The following STK16 variants were observed in gnomAD, a reference collection of about 807,000 sequenced individuals.
STK16 encodes the protein serine/threonine kinase 16, also known as serine/threonine-protein kinase 16.
STK16 carries 28 observed loss-of-function variants against 37.8 expected under a neutral mutation model. That is an observed-to-expected ratio of 0.74 (90% CI 0.55 to 1.02). The LOEUF is 1.02. Among genes scored for constraint, STK16 ranks in the 50% least tolerant of loss-of-function variants. STK16 has a pLI of 0.00. For synonymous variants in STK16, 134 were observed against 155.0 expected (o/e 0.86, Z 1.01); for missense variants, 349 against 390.6 (o/e 0.89, Z 0.90).
In STK16 at chr2:219,249,989, C is replaced by CT. The variant is rs1015802834; in HGVS notation, c.*1431dup. 12 of 204,492 alleles carry CT rather than the reference C, an allele frequency of 5.9e-5. No homozygotes were observed. The highest frequency in any genetic ancestry group is 1.0e-4 in the Non-Finnish European group (10 of 99,354). The allele number at this position is 204,492 out of a possible 1,614,324, so 12.7% of individuals were successfully genotyped here. On this transcript the variant is annotated 3_prime_UTR_variant, in exon 8 of 8. Transcript: ENST00000396738. ...GCAGCAGGAAGAACAGGGTAGCAGT[C>CT]TAACTTTCAAAGACAGAAACCACTG...
Position 219,247,722 on chromosome 2 carries a change from A to G in STK16, c.622A>G (p.Ser208Gly). The G allele has an allele frequency of 1.2e-6, 2 of 1,601,616 alleles. No homozygotes were observed. The highest frequency in any genetic ancestry group is 8.5e-7 in the Non-Finnish European group (1 of 1,173,308). Residue 208 changes from serine to glycine, a missense_variant, in exon 6 of 8, where the codon AGT (serine) becomes GGT (glycine). Transcript: ENST00000396738. ...YRAPELFSVQ[S>G]HCVIDERTDV... is the part of the protein sequence containing the mutation. Reference sequence around the variant, plus strand: ...AGCCCCAGAGCTCTTCTCTGTGCAGAGTCACTGTGTCATCGATGAGCGGAC... The same window carrying G: ...AGCCCCAGAGCTCTTCTCTGTGCAGGGTCACTGTGTCATCGATGAGCGGAC...
In STK16 at chr2:219,248,415, C is replaced by G. The variant is rs1951584340; in HGVS notation, c.780-6C>G. 8 of 1,613,502 alleles carry G rather than the reference C, an allele frequency of 5.0e-6. No individual in the cohort carries two copies. Among genetic ancestry groups the G allele is most frequent in the Non-Finnish European group, 6.8e-6 (8 of 1,179,662 alleles). ...ATCCGGTCACCCTGGGCTCCTCCCT[C>G]CACAGGCATTCTTCAGCATTGCGGC... On this transcript the variant is annotated splice_region_variant and splice_polypyrimidine_tract_variant and intron_variant, in intron 7 of 7. Coordinates refer to ENST00000396738, the MANE Select transcript of STK16 (RefSeq NM_001330213.2).
At position 219,246,730 on chromosome 2, in the gene STK16, C is replaced by T. The variant is rs1951540515; in HGVS notation, c.160C>T (p.His54Tyr). The change falls in exon 3 of 8, where the codon CAC becomes TAC. Residue 54 changes from histidine (H) to tyrosine (Y), a missense_variant. Coordinates refer to ENST00000396738, the MANE Select transcript of STK16 (RefSeq NM_001330213.2). The surrounding 1 kb of genome is among the most constrained non-coding windows in gnomAD (Gnocchi z 4.5). ...CTACGCCCTGAAGCGAATCCTGTGT[C>T]ACGAGCAGCAGGACCGGGAGGAGGC... ...HFYALKRILCHEQQDREEAQR... is the reference protein window; with the variant it reads ...HFYALKRILCYEQQDREEAQR... 2 of 1,614,106 alleles carry T rather than the reference C, an allele frequency of 1.2e-6. No homozygotes were observed. Among genetic ancestry groups the T allele is most frequent in the Non-Finnish European group, 8.5e-7 (1 of 1,180,050 alleles).
chr2:219,250,210 A>G lies in STK16; in HGVS notation c.*1651A>G. ...GCGATGGAAGGGATAAGGGTCATGA[A>G]CAGCAAACAGAGCAGCAGCAGCATG... is the stretch of plus-strand genomic sequence containing the variant. On this transcript the variant is annotated 3_prime_UTR_variant, in exon 8 of 8. Transcript: ENST00000396738. The surrounding 1 kb of genome is among the most constrained non-coding windows in gnomAD (Gnocchi z 8.4). 8.0e-7 allele frequency: 1 copy of G among 1,252,308 alleles called. No individual in the cohort carries two copies. The highest frequency in any genetic ancestry group is 1.1e-6 in the Non-Finnish European group (1 of 893,790). 77.6% of individuals were successfully genotyped at this position (1,252,308 alleles called of 1,614,324 possible).
At position 219,246,027 on chromosome 2, in the gene STK16, C is replaced by G. The variant is rs768704830; in HGVS notation, c.28C>G (p.Arg10Gly). 1 of 1,613,978 alleles carries G rather than the reference C, an allele frequency of 6.2e-7. No homozygotes were observed. The highest frequency in any genetic ancestry group is 1.1e-5 in the South Asian group (1 of 91,052). Residue 10 changes from arginine (R) to glycine (G), a missense_variant, in exon 2 of 8, where the codon CGG becomes GGG. Arg to Gly is a moderately radical substitution (Grantham distance 125, BLOSUM62 -2). Transcript: ENST00000396738. This position sits in a 1 kb window ranked among gnomAD's most constrained non-coding sequence, Gnocchi z 4.5. MGHALCVCS[R>G]GTVIIDNKRY... ...GGGCCACGCGCTGTGTGTCTGCTCTCGGGGAACTGTCATCATTGACAATAA... is the reference window on the plus strand; with the variant it reads ...GGGCCACGCGCTGTGTGTCTGCTCTGGGGGAACTGTCATCATTGACAATAA...
In STK16 at chr2:219,250,265, C is replaced by G; in HGVS notation, c.*1706C>G. The G allele has an allele frequency of 2.0e-6, 3 of 1,529,432 alleles. No homozygotes were observed. Among genetic ancestry groups the G allele is most frequent in the South Asian group, 2.6e-5 (2 of 77,742 alleles). The allele number at this position is 1,529,432 out of a possible 1,614,324, so 94.7% of individuals were successfully genotyped here. A position where few individuals can be genotyped will look rare whatever the true frequency, so the allele number is the denominator to read the frequency against. On this transcript the variant is annotated 3_prime_UTR_variant, in exon 8 of 8. Coordinates refer to ENST00000396738, the MANE Select transcript of STK16 (RefSeq NM_001330213.2). This position sits in a 1 kb window ranked among gnomAD's most constrained non-coding sequence, Gnocchi z 8.4. ...GGAAGGCAGCAGAAGCTCAAGCACT[C>G]AGAGGGAACAAGAAACCGTGCAAGG... is the stretch of plus-strand genomic sequence containing the variant.
chr2:219,248,634 A>G lies in STK16; in HGVS notation c.*75A>G. 1 of 1,532,814 alleles carries G rather than the reference A, an allele frequency of 6.5e-7. No homozygotes were observed. 95.0% of individuals were successfully genotyped at this position (1,532,814 alleles called of 1,614,324 possible). On this transcript the variant is annotated 3_prime_UTR_variant, in exon 8 of 8. Transcript: ENST00000396738. ...CCATCCCTCATTGGAATCACCACCC[A>G]TTCCATCCAGGACTTCTCTTACACT...
chr2:219,248,663 G>T lies in STK16; in HGVS notation c.*104G>T. The T allele has an allele frequency of 7.0e-7, 1 of 1,418,600 alleles. No homozygotes were observed. The allele number at this position is 1,418,600 out of a possible 1,614,324, so 87.9% of individuals were successfully genotyped here. A position where few individuals can be genotyped will look rare whatever the true frequency, so the allele number is the denominator to read the frequency against. On this transcript the variant is annotated 3_prime_UTR_variant, in exon 8 of 8. Coordinates refer to ENST00000396738, the MANE Select transcript of STK16 (RefSeq NM_001330213.2). ...CATCCAGGACTTCTCTTACACTTGG[G>T]GGTAGCGGGGTCAGGACAATCATCT...
Position 219,246,956 on chromosome 2 carries a change from G to A in STK16, c.306+80G>A. 1 of 1,524,228 alleles carries A rather than the reference G, an allele frequency of 6.6e-7. No individual in the cohort carries two copies. Among genetic ancestry groups the A allele is most frequent in the South Asian group, 1.2e-5 (1 of 81,138 alleles). 94.4% of individuals were successfully genotyped at this position (1,524,228 alleles called of 1,614,324 possible). ...GCTGTGTGAGCAGTCCAGCATGTTA[G>A]GAAGCAGGGACCATGTCCTGGGTTT... On this transcript the variant is annotated intron_variant, in intron 3 of 7. Coordinates refer to ENST00000396738, the MANE Select transcript of STK16 (RefSeq NM_001330213.2). This position sits in a 1 kb window ranked among gnomAD's most constrained non-coding sequence, Gnocchi z 4.5.
At chr2:219,247,340 T>A in intron 4 of STK16, 75 bp from the exon 5 acceptor site, 1 of 1,609,862 alleles carries the variant, frequency 6.2e-7, no homozygotes, top group Non-Finnish European at 8.5e-7. Flanking sequence ...AAACAGCCTG[T>A]ATGATTCTTT....
Position 219,245,914 on chromosome 2 carries a change from C to T in STK16, c.-86C>T. The T allele has an allele frequency of 9.3e-7, 1 of 1,079,344 alleles. No individual in the cohort carries two copies. The highest frequency in any genetic ancestry group is 1.4e-6 in the Non-Finnish European group (1 of 720,460). 66.9% of individuals were successfully genotyped at this position (1,079,344 alleles called of 1,614,324 possible). Reference sequence around the variant, plus strand: ...TTTCCAGCATGATCCGCTGGGCCCCCAGCGCATCTCCTGGAAGAGCCCACT... The same window carrying T: ...TTTCCAGCATGATCCGCTGGGCCCCTAGCGCATCTCCTGGAAGAGCCCACT... On this transcript the variant is annotated 5_prime_UTR_variant, in exon 2 of 8. An upstream open reading frame in the 5' UTR gains an earlier in-frame stop. Coordinates refer to ENST00000396738, the MANE Select transcript of STK16 (RefSeq NM_001330213.2).
In STK16 at chr2:219,246,421, A is replaced by T. The variant is rs1478705704; in HGVS notation, c.87-236A>T. On this transcript the variant is annotated intron_variant, in intron 2 of 7. Transcript: ENST00000396738. The surrounding 1 kb of genome is among the most constrained non-coding windows in gnomAD (Gnocchi z 4.5). ...ACTTGATAAGTGTTGGCTATTATTT[A>T]TTTAGCATCTGTCAAGTGCAGAGGT... The T allele has an allele frequency of 1.8e-5, 11 of 615,936 alleles. No homozygotes were observed. The South Asian group carries it at 2.0e-4, about 11-fold the overall frequency. 38.2% of individuals were successfully genotyped at this position (615,936 alleles called of 1,614,324 possible).
chr2:219,246,494 G>T lies in STK16; in HGVS notation c.87-163G>T, dbSNP rs1249179487. On this transcript the variant is annotated intron_variant, in intron 2 of 7. Transcript: ENST00000396738. This position sits in a 1 kb window ranked among gnomAD's most constrained non-coding sequence, Gnocchi z 4.5. ...CAAAGATTTCTATATCTCTGCTCCTGAGGAGCTCACGGTGTAATATTCTTC... is the reference window on the plus strand; with the variant it reads ...CAAAGATTTCTATATCTCTGCTCCTTAGGAGCTCACGGTGTAATATTCTTC... 2.9e-6 allele frequency: 2 copies of T among 695,464 alleles called. No individual in the cohort carries two copies. The highest frequency in any genetic ancestry group is 5.4e-5 in the East Asian group (2 of 36,752). 43.1% of individuals were successfully genotyped at this position (695,464 alleles called of 1,614,324 possible). A position where few individuals can be genotyped will look rare whatever the true frequency, so the allele number is the denominator to read the frequency against.
In STK16 at chr2:219,248,647, C is replaced by G. The variant is rs773505576; in HGVS notation, c.*88C>G. On this transcript the variant is annotated 3_prime_UTR_variant, in exon 8 of 8. Transcript: ENST00000396738. ...GAATCACCACCCATTCCATCCAGGA[C>G]TTCTCTTACACTTGGGGGTAGCGGG... 4.3e-5 allele frequency: 65 copies of G among 1,499,208 alleles called. No homozygotes were observed. The highest frequency in any genetic ancestry group is 5.6e-5 in the Non-Finnish European group (62 of 1,110,008). The allele number at this position is 1,499,208 out of a possible 1,614,324, so 92.9% of individuals were successfully genotyped here.
At chr2:219,248,041 C>T in intron 6 of STK16, 152 bp from the exon 7 acceptor site, 4 of 1,227,686 alleles carry the variant, frequency 3.3e-6, no homozygotes, top group Non-Finnish European at 2.3e-6. Flanking sequence ...AGGCCTCCAG[C>T]TGACTGGCAG....
At chr2:219,247,568 G>A in intron 5 of STK16, 33 bp downstream of exon 5, 1 of 1,614,170 alleles carries the variant, frequency 6.2e-7, no homozygotes, top group South Asian at 1.1e-5. Flanking sequence ...TTTCTCACCT[G>A]TTCCCCATTC....
In STK16 at chr2:219,245,995, A is replaced by G. The variant is rs1951520557; in HGVS notation, c.-5A>G. The G allele has an allele frequency of 1.2e-6, 2 of 1,612,764 alleles. No homozygotes were observed. The highest frequency in any genetic ancestry group is 1.7e-5 in the Admixed American group (1 of 59,878). The stretch of plus-strand genomic sequence containing the variant: ...ACCGTCCTTGAAGAGGATGACTGAG[A>G]CATTATGGGCCACGCGCTGTGTGTC... On this transcript the variant is annotated 5_prime_UTR_variant, in exon 2 of 8. Coordinates refer to ENST00000396738, the MANE Select transcript of STK16 (RefSeq NM_001330213.2).
intron 3 of STK16, 21 bp from the exon 4 acceptor site, chr2:219,247,092 G>C (rs771381266): frequency 6.2e-7 from 1 of 1,614,084 alleles, no homozygotes; most frequent in Non-Finnish European, 8.5e-7. Flanking sequence ...ATCTCCAACT[G>C]TAGGGAAACT....
chr2:219,246,162 C>CATAAA lies in STK16; in HGVS notation c.86+78_86+79insTAAAA, dbSNP rs1951525466. On this transcript the variant is annotated intron_variant, in intron 2 of 7. Transcript: ENST00000396738. This position sits in a 1 kb window ranked among gnomAD's most constrained non-coding sequence, Gnocchi z 4.5. ...GACAGCGGTGTGCATATGCTTGGGGCACAAGGGTTTTATCCCTATCCCTGT... is the reference window on the plus strand; with the variant it reads ...GACAGCGGTGTGCATATGCTTGGGGCATAAAACAAGGGTTTTATCCCTATCCCTGT... 3 of 1,307,150 alleles carry CATAAA rather than the reference C, an allele frequency of 2.3e-6. No homozygotes were observed. In the South Asian group the frequency reaches 3.8e-5, roughly 17 times the overall value. 81.0% of individuals were successfully genotyped at this position (1,307,150 alleles called of 1,614,324 possible). A position where few individuals can be genotyped will look rare whatever the true frequency, so the allele number is the denominator to read the frequency against.
Sources: gnomAD v4.1 joint callset for allele counts on GRCh38, gnomAD v4.1.1 for gene constraint, Gnocchi (gnomAD v3.1) non-coding constraint, MANE v1.5 for transcripts, NCBI Gene and HGNC (gene_info 2026-07-23, HGNC 2026-07-21) for gene names.